Variants in ZBTB16 observed in about 807,000 individuals in gnomAD.
ZBTB16 encodes zinc finger and BTB domain-containing protein 16.
Under a neutral mutation model 56.8 loss-of-function variants are expected in ZBTB16, and 8 were observed. The ratio of observed to expected loss-of-function variants is 0.14; its 90% confidence interval spans 0.08 to 0.25. ZBTB16 has a LOEUF of 0.25. Among genes scored for constraint, ZBTB16 ranks in the 10% least tolerant of loss-of-function variants. The pLI, the probability that ZBTB16 is intolerant of heterozygous loss-of-function variation, is 1.00. For missense variants in ZBTB16, 625 were observed against 903.0 expected (o/e 0.69, Z 3.95); for synonymous variants, 363 against 368.5 (o/e 0.98, Z 0.17).
Position 114,063,411 on chromosome 11 carries a change from C to T in ZBTB16, c.111C>T (p.Val37=), listed in dbSNP as rs759660461. Residue 37 remains valine (V), a synonymous_variant, in exon 2 of 7, where the codon GTC becomes GTT. Transcript: ENST00000335953. The surrounding 1 kb of genome is among the most constrained non-coding windows in gnomAD (Gnocchi z 6.5). Reference sequence around the variant, plus strand: ...TGGCCGGGACTTTGTGCGATGTGGTCATCATGGTGGACAGCCAGGAGTTCC... The same window carrying T: ...TGGCCGGGACTTTGTGCGATGTGGTTATCATGGTGGACAGCCAGGAGTTCC... The part of the protein sequence containing the change: ...MRLAGTLCDV[V]IMVDSQEFHA... The T allele has an allele frequency of 6.2e-7, 1 of 1,614,174 alleles. No homozygotes were observed. Among genetic ancestry groups the T allele is most frequent in the South Asian group, 1.1e-5 (1 of 91,070 alleles).
At chr11:114,249,357 C>G (rs1944874404) in intron 6 of ZBTB16, among the ~76,000 whole-genome samples, 3 of 144,260 alleles carry the variant, frequency 2.1e-5, no homozygotes, top group Admixed American at 1.4e-4. Context: ...ACTTGGGAGG[C>G]TGAGGCAGGA....
Position 114,063,016 on chromosome 11 carries a change from C to G in ZBTB16, c.-90-195C>G, listed in dbSNP as rs1297747622. ...GAACCTTCTTTTTACTCTCAGCATC[C>G]CTGGCTTGAAAGGCAGATTTGTAGA... On this transcript the variant is annotated intron_variant, in intron 1 of 6. Transcript: ENST00000335953. The surrounding 1 kb of genome is among the most constrained non-coding windows in gnomAD (Gnocchi z 6.5). Among the ~76,000 whole-genome samples, 1 of 152,122 alleles carries G rather than the reference C, an allele frequency of 6.6e-6. No homozygotes were observed. Among genetic ancestry groups the G allele is most frequent in the East Asian group, 1.9e-4 (1 of 5,194 alleles).
intron 4 of ZBTB16, among the ~76,000 whole-genome samples, chr11:114,190,736 C>T (rs764594397): frequency 0.27 from 38,811 of 143,430 alleles, 5,220 homozygotes; most frequent in Middle Eastern, 0.35. Context: ...CTCATACACA[C>T]ACACACACAC....
chr11:114,221,795 A>G (rs1361870805), intron 4 of ZBTB16, among the ~76,000 whole-genome samples: 1 of 152,162 alleles, frequency 6.6e-6, no homozygotes, highest in South Asian at 2.1e-4. Flanking sequence ...TATTACTGGG[A>G]AACAACAGTC....
At chr11:114,139,559 C>T (rs920481509) in intron 2 of ZBTB16, among the ~76,000 whole-genome samples, 7 of 151,900 alleles carry the variant, frequency 4.6e-5, no homozygotes, top group Admixed American at 3.3e-4. Flanking sequence ...TCTCCCCCCC[C>T]AAAGACCAGC....
intron 4 of ZBTB16, among the ~76,000 whole-genome samples, chr11:114,216,339 T>C (rs772772239): frequency 2.0e-5 from 3 of 152,246 alleles, no homozygotes; most frequent in Admixed American, 6.5e-5. Flanking sequence ...GTCTTACCTC[T>C]GCTGGCCTTG....
chr11:114,237,552 C>G (rs550043949), intron 4 of ZBTB16, among the ~76,000 whole-genome samples: 2 of 152,212 alleles, frequency 1.3e-5, no homozygotes, highest in Non-Finnish European at 2.9e-5. Context: ...CCTGCCCCGC[C>G]GCACATCTCA....
intron 4 of ZBTB16, among the ~76,000 whole-genome samples, chr11:114,233,052 A>T (rs1448559711): frequency 1.7e-5 from 1 of 57,982 alleles, no homozygotes; most frequent in Non-Finnish European, 4.5e-5. Flanking sequence ...CACCCACTCT[A>T]CTGCACATAC....
chr11:114,176,017 G>GTGTGTGTA (rs1457979148), intron 3 of ZBTB16, among the ~76,000 whole-genome samples: 2 of 151,878 alleles, frequency 1.3e-5, no homozygotes, highest in Non-Finnish European at 2.9e-5. Context: ...GTGTGTGTGT[G>GTGTGTGTA]TGTGTGTATG....
chr11:114,149,854 G>A (rs1421172440), intron 2 of ZBTB16, among the ~76,000 whole-genome samples: 1 of 152,162 alleles, frequency 6.6e-6, no homozygotes, highest in Non-Finnish European at 1.5e-5. Flanking sequence ...GGGATACCAG[G>A]CCTCCTTTGT....
At chr11:114,133,195 C>T (rs2735209) in intron 2 of ZBTB16, among the ~76,000 whole-genome samples, 68,311 of 151,796 alleles carry the variant, frequency 0.45, 15,959 homozygotes, top group African/African-American at 0.57. Context: ...GGTGTCCAGA[C>T]TCTCTTGGTG....
At chr11:114,096,243 G>A (rs1565623068) in intron 2 of ZBTB16, among the ~76,000 whole-genome samples, 1 of 152,114 alleles carries the variant, frequency 6.6e-6, no homozygotes. Flanking sequence ...GAAATATGTT[G>A]CCAGGCTTTG....
At chr11:114,098,867 C>G (rs1353046573) in intron 2 of ZBTB16, among the ~76,000 whole-genome samples, 1 of 152,144 alleles carries the variant, frequency 6.6e-6, no homozygotes, top group Admixed American at 6.5e-5. Flanking sequence ...GGTCTTTTCA[C>G]TCAACAGTTT....
At chr11:114,186,747 AG>A (rs144062621) in intron 3 of ZBTB16, among the ~76,000 whole-genome samples, 23 of 152,290 alleles carry the variant, frequency 1.5e-4, no homozygotes, top group African/African-American at 5.5e-4. Context: ...TCTCTAGAAG[AG>A]CCCTAGACAA....
chr11:114,136,657 G>A (rs1320220289), intron 2 of ZBTB16, among the ~76,000 whole-genome samples: 1 of 152,144 alleles, frequency 6.6e-6, no homozygotes, highest in Non-Finnish European at 1.5e-5. Context: ...CCCACCAAGA[G>A]ATGAATGAAA....
intron 2 of ZBTB16, among the ~76,000 whole-genome samples, chr11:114,091,833 C>G (rs1940203983): frequency 6.6e-6 from 1 of 152,112 alleles, no homozygotes; most frequent in Non-Finnish European, 1.5e-5. Context: ...CCTCCCCTCC[C>G]CCTCTCCTAA....
chr11:114,211,759 G>A (rs1944002016), intron 4 of ZBTB16, among the ~76,000 whole-genome samples: 1 of 152,146 alleles, frequency 6.6e-6, no homozygotes, highest in East Asian at 1.9e-4. Context: ...TTCATACCAG[G>A]AAGGCCAGCT....
intron 2 of ZBTB16, among the ~76,000 whole-genome samples, chr11:114,073,444 G>A (rs764611620): frequency 6.6e-6 from 1 of 152,138 alleles, no homozygotes; most frequent in Non-Finnish European, 1.5e-5. Flanking sequence ...TAAAAGCCCC[G>A]GTGTCCTTAT....
chr11:114,160,391 C>A (rs911770007), intron 3 of ZBTB16, among the ~76,000 whole-genome samples: 6 of 152,194 alleles, frequency 3.9e-5, no homozygotes, highest in African/African-American at 1.4e-4. Flanking sequence ...CCGGCTTGTT[C>A]TTCCTTCGCA....
Sources: allele counts gnomAD v4.1 joint callset (sites outside exome capture counted in the v4.1 genomes callset), GRCh38; gene constraint gnomAD v4.1.1; non-coding constraint Gnocchi (gnomAD v3.1); transcripts MANE v1.5; gene names NCBI Gene and HGNC (gene_info 2026-07-23, HGNC 2026-07-21).